Variants in PROX1 observed in about 807,000 individuals in gnomAD.
The protein encoded by PROX1 is prospero homeobox 1.
Under a neutral mutation model 58.8 loss-of-function variants are expected in PROX1, and 7 were observed. The ratio of observed to expected loss-of-function variants is 0.12; its 90% confidence interval spans 0.07 to 0.22. The LOEUF (loss-of-function observed/expected upper bound fraction) is 0.22, where lower values mean the gene tolerates loss of function less well. Among genes scored for constraint, PROX1 ranks in the 10% least tolerant of loss-of-function variants. PROX1 has a pLI of 1.00. For missense variants in PROX1, 675 were observed against 927.8 expected (o/e 0.73, Z 3.54); for synonymous variants, 350 against 358.3 (o/e 0.98, Z 0.26).
chr1:214,031,729 T>C (rs545045615), intron 4 of PROX1, among the ~76,000 whole-genome samples: 12 of 152,308 alleles, frequency 7.9e-5, no homozygotes, highest in African/African-American at 2.9e-4. Context: ...CTGATAAGAC[T>C]GGTTTCTAAG....
chr1:214,018,689 A>C (rs1250814637), intron 4 of PROX1, among the ~76,000 whole-genome samples: 1 of 152,224 alleles, frequency 6.6e-6, no homozygotes, highest in African/African-American at 2.4e-5. Context: ...TGTAGTGTTC[A>C]TGACAACTTC....
At chr1:213,985,092 A>G (rs1396416741), upstream of PROX1, 1 of 152,182 alleles carries the variant, frequency 6.6e-6, no homozygotes. Flanking sequence ...ACCTGCACGG[A>G]TAGAGTGTGT....
chr1:213,996,420 G>T, intron 1 of PROX1, 49 bp from the exon 2 acceptor site: 1 of 1,289,530 alleles, frequency 7.8e-7, no homozygotes, highest in Non-Finnish European at 1.1e-6. Flanking sequence ...AGGAAATTTG[G>T]AGAAATTTAA....
In PROX1 at chr1:214,040,871, G is replaced by A. The variant is rs931691298; in HGVS notation, c.*5037G>A. ...AATTTATCCTAATTTATTTGATGAAGGTGTACAATTTTGTATTACCAAGGA... is the reference window on the plus strand; with the variant it reads ...AATTTATCCTAATTTATTTGATGAAAGTGTACAATTTTGTATTACCAAGGA... On this transcript the variant is annotated 3_prime_UTR_variant, in exon 5 of 5. Transcript: ENST00000366958. The A allele has an allele frequency of 4.0e-5, 6 of 151,682 alleles. No homozygotes were observed. The highest frequency in any genetic ancestry group is 7.3e-5 in the African/African-American group (3 of 41,288). The allele number at this position is 151,682 out of a possible 1,614,324, so 9.4% of individuals were successfully genotyped here.
At chr1:214,012,116 G>A (rs1435329509) in intron 4 of PROX1, among the ~76,000 whole-genome samples, 1 of 152,200 alleles carries the variant, frequency 6.6e-6, no homozygotes, top group Admixed American at 6.5e-5. Context: ...TGCAATGGTA[G>A]CTACCAATGT....
chr1:213,994,434 C>T (rs868595176), intron 1 of PROX1, among the ~76,000 whole-genome samples: 3 of 151,996 alleles, frequency 2.0e-5, no homozygotes, highest in Non-Finnish European at 2.9e-5. Flanking sequence ...TCCTTGTAAC[C>T]GCCCCCCATG....
intron 4 of PROX1, among the ~76,000 whole-genome samples, chr1:214,031,506 G>T (rs980349939): frequency 5.3e-5 from 8 of 151,906 alleles, no homozygotes; most frequent in Non-Finnish European, 8.8e-5. Context: ...CTCCCCAGCC[G>T]CCTGCATTGT....
rs1288533369 is a variant in PROX1 at position 213,998,297 on chromosome 1, C to CA, written c.1725+43dup. The CA allele has an allele frequency of 5.3e-6, 8 of 1,511,392 alleles. No homozygotes were observed. The African/African-American group carries it at 1.1e-4, about 21-fold the overall frequency. 93.6% of individuals were successfully genotyped at this position (1,511,392 alleles called of 1,614,324 possible). A position where few individuals can be genotyped will look rare whatever the true frequency, so the allele number is the denominator to read the frequency against. On this transcript the variant is annotated intron_variant, in intron 2 of 4. Transcript: ENST00000366958. The stretch of plus-strand genomic sequence containing the variant: ...TTTTCCCCTCGAGGAAAAAACAAAC[C>CA]AAAAAAGGTTTCCCAAAAGGTTGGG...
rs532058045 is a variant in PROX1, at chr1:213,994,131, ATGACCTTG to A, written c.-67-2335_-67-2328del. 6.5e-3 allele frequency among the ~76,000 whole-genome samples: 986 copies of A among 152,294 alleles called. 4 individuals are homozygous for A. The highest frequency in any genetic ancestry group is 8.8e-3 in the Non-Finnish European group (599 of 68,026). ...GTTGGAAAAGGAAGGATGCCTGGGG[ATGACCTTG>A]TGCTCATCAGCGACACCAGTCTGTC... On this transcript the variant is annotated intron_variant, in intron 1 of 4. Transcript: ENST00000366958.
chr1:214,013,392 C>A (rs967285371), intron 4 of PROX1, among the ~76,000 whole-genome samples: 3 of 152,076 alleles, frequency 2.0e-5, no homozygotes, highest in African/African-American at 4.8e-5. Context: ...TTGCCCTAAA[C>A]CTTAAGCTAA....
chr1:214,012,491 G>A (rs1663947969), intron 4 of PROX1, among the ~76,000 whole-genome samples: 2 of 152,184 alleles, frequency 1.3e-5, no homozygotes, highest in South Asian at 4.1e-4. Context: ...ATTTCTTTAT[G>A]GGCTAATGTG....
In PROX1 at chr1:214,038,568, T is replaced by C. The variant is rs1664903918; in HGVS notation, c.*2734T>C. 1 of 152,184 alleles carries C rather than the reference T, an allele frequency of 6.6e-6. No homozygotes were observed. Among genetic ancestry groups the C allele is most frequent in the South Asian group, 2.1e-4 (1 of 4,820 alleles). 9.4% of individuals were successfully genotyped at this position (152,184 alleles called of 1,614,324 possible). A position where few individuals can be genotyped will look rare whatever the true frequency, so the allele number is the denominator to read the frequency against. ...TGTTGAAAAACCACACTACCACTTA[T>C]TTTCTGCTAACCCTAAATTATTTTT... On this transcript the variant is annotated 3_prime_UTR_variant, in exon 5 of 5. Coordinates refer to ENST00000366958, the MANE Select transcript of PROX1 (RefSeq NM_001270616.2).
At chr1:214,025,744 C>A (rs1664429543) in intron 4 of PROX1, among the ~76,000 whole-genome samples, 2 of 151,288 alleles carry the variant, frequency 1.3e-5, no homozygotes, top group South Asian at 4.2e-4. Flanking sequence ...CTCACTGCAA[C>A]CTCCGCCTCT....
In PROX1 at chr1:213,996,740, G is replaced by A; in HGVS notation, c.205G>A (p.Val69Ile). 1.9e-6 allele frequency: 3 copies of A among 1,614,170 alleles called. No homozygotes were observed. Among genetic ancestry groups the A allele is most frequent in the Non-Finnish European group, 1.7e-6 (2 of 1,180,024 alleles). Residue 69 changes from valine (V) to isoleucine (I), a missense_variant, in exon 2 of 5, where the codon GTA (valine) becomes ATA (isoleucine). By Grantham distance (29) the Val-to-Ile change is conservative. Transcript: ENST00000366958. ...GCATGCAGATGGGGAAAAGTCAAAT[G>A]TACTCCGCAAGCTGCTGAAGAGGGC... is the stretch of plus-strand genomic sequence containing the variant. ...VQHADGEKSNVLRKLLKRANS... is the reference protein window; with the variant it reads ...VQHADGEKSNILRKLLKRANS...
At chr1:214,014,654 A>T in intron 4 of PROX1, among the ~76,000 whole-genome samples, 1 of 152,186 alleles carries the variant, frequency 6.6e-6, no homozygotes, top group East Asian at 1.9e-4. Context: ...TAACAAGAAA[A>T]ACTTCAGTTT....
chr1:213,996,850 T>A lies in PROX1; in HGVS notation c.315T>A (p.Gly105=), dbSNP rs771931970. Residue 105 remains glycine, a synonymous_variant, in exon 2 of 5, where the codon GGT becomes GGA. Coordinates refer to ENST00000366958, the MANE Select transcript of PROX1 (RefSeq NM_001270616.2). ...TGAAAAATAACATGAACAAAAATGG[T>A]GGCACGGAGCCCAGTTTCCAAGCCA... ...QLLKNNMNKN[G]GTEPSFQASG... is the part of the protein sequence containing the mutation. The A allele has an allele frequency of 6.2e-6, 10 of 1,613,856 alleles. No individual in the cohort carries two copies. Among genetic ancestry groups the A allele is most frequent in the Non-Finnish European group, 8.5e-6 (10 of 1,179,996 alleles).
chr1:213,990,113 C>T (rs545912565), intron 1 of PROX1, among the ~76,000 whole-genome samples: 1 of 143,522 alleles, frequency 7.0e-6, no homozygotes, highest in South Asian at 2.3e-4. Context: ...TTCTCTTTTC[C>T]ACTCATGCCC....
At chr1:213,991,833 G>A (rs1459010625) in intron 1 of PROX1, among the ~76,000 whole-genome samples, 1 of 152,172 alleles carries the variant, frequency 6.6e-6, no homozygotes, top group East Asian at 1.9e-4. Flanking sequence ...AATATAAGAA[G>A]TTTTAGGTTT....
Position 214,035,968 on chromosome 1 carries a change from T to C in PROX1, c.*134T>C. ...GATATGTTATGAAATCAGCTGGTAATTCCTCCTCATCACGTTTCTCTCATT... is the reference window on the plus strand; with the variant it reads ...GATATGTTATGAAATCAGCTGGTAACTCCTCCTCATCACGTTTCTCTCATT... On this transcript the variant is annotated 3_prime_UTR_variant, in exon 5 of 5. Coordinates refer to ENST00000366958, the MANE Select transcript of PROX1 (RefSeq NM_001270616.2). 1.5e-6 allele frequency: 1 copy of C among 660,920 alleles called. No individual in the cohort carries two copies. Among genetic ancestry groups the C allele is most frequent in the Non-Finnish European group, 2.3e-6 (1 of 439,312 alleles). 40.9% of individuals were successfully genotyped at this position (660,920 alleles called of 1,614,324 possible). A position where few individuals can be genotyped will look rare whatever the true frequency, so the allele number is the denominator to read the frequency against.
Sources: allele counts gnomAD v4.1 joint callset (sites outside exome capture counted in the v4.1 genomes callset), GRCh38; gene constraint gnomAD v4.1.1; transcripts MANE v1.5; gene names NCBI Gene and HGNC (gene_info 2026-07-23, HGNC 2026-07-21).